The following RORA variants were observed in gnomAD, a reference collection of about 807,000 sequenced individuals.
The protein encoded by RORA is RAR related orphan receptor A.
A neutral mutation model predicts 69.5 loss-of-function variants in RORA; 7 were observed. The ratio of observed to expected loss-of-function variants is 0.10; its 90% CI spans 0.06 to 0.19. RORA has a LOEUF of 0.19. Ranked by LOEUF, RORA falls within the 10% of genes least tolerant of loss-of-function variation. RORA has a pLI of 1.00. For synonymous variants in RORA, 261 were observed against 240.8 expected (o/e 1.08, Z -0.78); for missense variants, 457 against 663.0 (o/e 0.69, Z 3.41).
chr15:60,661,797 A>C (rs1428208237), intron 2 of RORA, among the ~76,000 whole-genome samples: 1 of 152,204 alleles, frequency 6.6e-6, no homozygotes, highest in Non-Finnish European at 1.5e-5. Flanking sequence ...TGAAACTAGC[A>C]GCCCTTGTCC....
intron 1 of RORA, among the ~76,000 whole-genome samples, chr15:61,014,512 C>A (rs1165856741): frequency 6.6e-6 from 1 of 152,150 alleles, no homozygotes; most frequent in Non-Finnish European, 1.5e-5. Flanking sequence ...ACTTTGACTT[C>A]TATTCCTGTC....
chr15:60,929,726 T>G (rs887955793), intron 1 of RORA, among the ~76,000 whole-genome samples: 3 of 152,202 alleles, frequency 2.0e-5, no homozygotes, highest in Admixed American at 6.5e-5. Flanking sequence ...GCTCTTCAAC[T>G]TCTGGCTTCC....
intron 1 of RORA, among the ~76,000 whole-genome samples, chr15:60,760,509 C>T (rs2071870241): frequency 6.6e-6 from 1 of 152,104 alleles, no homozygotes; most frequent in Non-Finnish European, 1.5e-5. Context: ...CCCATAGTTA[C>T]CCTGACATAA....
In RORA at chr15:60,883,176, G is replaced by A. The variant is rs865883374; in HGVS notation, c.167-204490C>T. 1.8e-3 allele frequency among the ~76,000 whole-genome samples: 234 copies of A among 130,068 alleles called. 2 individuals are homozygous for A. The highest frequency in any genetic ancestry group is 6.2e-3 in the African/African-American group (223 of 35,754). 85.3% of individuals were successfully genotyped at this position (130,068 alleles called of 152,430 possible). On this transcript the variant is annotated intron_variant, in intron 1 of 10. Transcript: ENST00000335670. ...AGAAAGAGAGAGAGAGAGAGAGAGA[G>A]AGAGAGAAAGAAAGAAAACCTATAT...
At chr15:60,853,063 C>T (rs1053243335) in intron 1 of RORA, among the ~76,000 whole-genome samples, 8 of 152,108 alleles carry the variant, frequency 5.3e-5, no homozygotes, top group African/African-American at 1.9e-4. Flanking sequence ...TCCTTTATAA[C>T]GAGAGCCAGC....
chr15:60,865,772 A>G (rs1414986436), intron 1 of RORA, among the ~76,000 whole-genome samples: 1 of 152,170 alleles, frequency 6.6e-6, no homozygotes. Flanking sequence ...TCACCCAACC[A>G]CAGAGAGTTC....
At chr15:60,556,839 A>C (rs749370960) in intron 2 of RORA, 2 of 1,590,560 alleles carry the variant, frequency 1.3e-6, no homozygotes, top group Non-Finnish European at 1.7e-6. Flanking sequence ...ATTACAGTGG[A>C]TGTTTCCCCT....
At chr15:61,191,818 T>C (rs1018451618) in intron 1 of RORA, among the ~76,000 whole-genome samples, 1 of 152,260 alleles carries the variant, frequency 6.6e-6, no homozygotes, top group African/African-American at 2.4e-5. Context: ...GTCTCGCATC[T>C]GTTCTGAAAA....
At chr15:60,728,358 T>C (rs781200693) in intron 1 of RORA, among the ~76,000 whole-genome samples, 1 of 152,204 alleles carries the variant, frequency 6.6e-6, no homozygotes, top group African/African-American at 2.4e-5. Context: ...CAACTCACCC[T>C]TGGACCTAGA....
chr15:60,979,268 CTTTT>C (rs767729204), intron 1 of RORA, among the ~76,000 whole-genome samples: 1 of 64,258 alleles, frequency 1.6e-5, no homozygotes, highest in Admixed American at 1.9e-4. Flanking sequence ...CTAGCCCTTG[CTTTT>C]TTTTTTTTTT....
chr15:61,074,956 G>T (rs966717919), intron 1 of RORA, among the ~76,000 whole-genome samples: 3 of 151,804 alleles, frequency 2.0e-5, no homozygotes, highest in Non-Finnish European at 4.4e-5. Flanking sequence ...GTGTGGTGGT[G>T]CACACCTGTA....
chr15:61,041,778 G>A (rs1020390131), intron 1 of RORA, among the ~76,000 whole-genome samples: 1 of 152,144 alleles, frequency 6.6e-6, no homozygotes, highest in Non-Finnish European at 1.5e-5. Context: ...TCATCCCCAT[G>A]CCCCAACAGC....
At chr15:60,697,989 A>G (rs1239724215) in intron 1 of RORA, among the ~76,000 whole-genome samples, 2 of 152,202 alleles carry the variant, frequency 1.3e-5, no homozygotes, top group African/African-American at 4.8e-5. Context: ...ATAAACGCCT[A>G]CAAAGTGAAA....
intron 1 of RORA, among the ~76,000 whole-genome samples, chr15:61,094,802 T>G (rs1332020387): frequency 6.6e-6 from 1 of 152,196 alleles, no homozygotes; most frequent in Non-Finnish European, 1.5e-5. Context: ...AGACAACTAC[T>G]TGCAGCAAAC....
chr15:60,615,895 C>G (rs1373305403), intron 2 of RORA, among the ~76,000 whole-genome samples: 1 of 152,188 alleles, frequency 6.6e-6, no homozygotes, highest in Non-Finnish European at 1.5e-5. Flanking sequence ...TTCTCACTCT[C>G]CATTCACCCA....
intron 1 of RORA, among the ~76,000 whole-genome samples, chr15:61,052,734 T>A (rs1396756337): frequency 6.6e-6 from 1 of 152,184 alleles, no homozygotes; most frequent in Non-Finnish European, 1.5e-5. Context: ...GCACTCTTGA[T>A]TGGTATTATA....
rs540374771 is a variant in RORA at position 60,676,110 on chromosome 15, C to CT, written c.196+2546dup. ...TTTAAGAGGAGCTGGAATTTAACATCTTAAAAAAAAACGTATAGGCAAGTT... is the reference window on the plus strand; with the variant it reads ...TTTAAGAGGAGCTGGAATTTAACATCTTTAAAAAAAAACGTATAGGCAAGTT... On this transcript the variant is annotated intron_variant, in intron 2 of 10. Coordinates refer to ENST00000335670, the MANE Select transcript of RORA (RefSeq NM_134261.3). Among the ~76,000 whole-genome samples, 473 of 151,926 alleles carry CT rather than the reference C, an allele frequency of 3.1e-3. 1 individual carries two copies. Among genetic ancestry groups the CT allele is most frequent in the African/African-American group, 0.011 (453 of 41,426 alleles).
At chr15:60,633,387 A>C (rs1310452730) in intron 2 of RORA, among the ~76,000 whole-genome samples, 1 of 152,262 alleles carries the variant, frequency 6.6e-6, no homozygotes, top group African/African-American at 2.4e-5. Flanking sequence ...TCAAACCACA[A>C]AGCATTTCTT....
At chr15:60,804,306 A>T (rs1398128224) in intron 1 of RORA, among the ~76,000 whole-genome samples, 1 of 150,690 alleles carries the variant, frequency 6.6e-6, no homozygotes, top group Non-Finnish European at 1.5e-5. Flanking sequence ...AAAAAAAAAA[A>T]AAAAGAACTA....
Sources: allele counts gnomAD v4.1 joint callset (sites outside exome capture counted in the v4.1 genomes callset), GRCh38; gene constraint gnomAD v4.1.1; transcripts MANE v1.5; gene names NCBI Gene and HGNC (gene_info 2026-07-23, HGNC 2026-07-21).